Variants in PCSK5 observed in about 807,000 individuals in gnomAD.
The protein encoded by PCSK5 is prohormone convertase 5.
In PCSK5, 129 loss-of-function variants were observed where a neutral mutation model predicts 233.2. That is an observed-to-expected ratio of 0.55 (90% CI 0.48 to 0.64). The LOEUF is 0.64. PCSK5 is among the 30% of genes least tolerant of loss of function. PCSK5 has a pLI of 0.00. For missense variants in PCSK5, 2,076 were observed against 2,430.1 expected (o/e 0.85, Z 3.06); for synonymous variants, 825 against 879.2 (o/e 0.94, Z 1.09).
intron 18 of PCSK5, among the ~76,000 whole-genome samples, 162 bp from the exon 19 acceptor site, chr9:76,188,932 T>C (rs1279766247): frequency 1.3e-5 from 2 of 152,258 alleles, no homozygotes; most frequent in African/African-American, 4.8e-5. Context: ...AGAGGTTCCA[T>C]TTTAACTTTG....
At chr9:75,932,639 A>C (rs1823863252) in intron 2 of PCSK5, among the ~76,000 whole-genome samples, 156 bp downstream of exon 2, 1 of 152,130 alleles carries the variant, frequency 6.6e-6, no homozygotes, top group South Asian at 2.1e-4. Context: ...TCTTTAGACA[A>C]AACTAGGCAG....
At chr9:76,234,610 T>C (rs555682829) in intron 22 of PCSK5, among the ~76,000 whole-genome samples, 16 of 152,350 alleles carry the variant, frequency 1.1e-4, no homozygotes, top group African/African-American at 3.6e-4. Context: ...ACATGACAAA[T>C]ATCTGTCATA....
chr9:76,117,917 A>G (rs1832490066), intron 9 of PCSK5, among the ~76,000 whole-genome samples: 1 of 152,096 alleles, frequency 6.6e-6, no homozygotes, highest in South Asian at 2.1e-4. Context: ...TCATTTAGCT[A>G]TTGGAAACCT....
rs574763742 is a variant in PCSK5 at position 76,273,806 on chromosome 9, AT to A, written c.3143-18417del. On this transcript the variant is annotated intron_variant, in intron 24 of 37. Coordinates refer to ENST00000674117, the MANE Select transcript of PCSK5 (RefSeq NM_001372043.1). The stretch of plus-strand genomic sequence containing the variant: ...TGCTATCATACATAGCTAATTTTTA[AT>A]TTTTTTTTTCTTTTTTTTTTTGTAG... Among the ~76,000 whole-genome samples the A allele has an allele frequency of 1.6e-3, 222 of 142,724 alleles. 1 individual carries two copies. Among genetic ancestry groups the A allele is most frequent in the Middle Eastern group, 3.7e-3 (1 of 270 alleles). The allele number at this position is 142,724 out of a possible 152,430, so 93.6% of individuals were successfully genotyped here. A position where few individuals can be genotyped will look rare whatever the true frequency, so the allele number is the denominator to read the frequency against.
intron 14 of PCSK5, among the ~76,000 whole-genome samples, chr9:76,178,664 A>C (rs1823721463): frequency 1.3e-5 from 2 of 152,238 alleles, no homozygotes; most frequent in Admixed American, 1.3e-4. Flanking sequence ...TAGATTTTCT[A>C]CTACCCTTGA....
At chr9:76,324,076 C>T (rs1564180783) in intron 32 of PCSK5, among the ~76,000 whole-genome samples, 1 of 151,956 alleles carries the variant, frequency 6.6e-6, no homozygotes, top group Non-Finnish European at 1.5e-5. Context: ...CAGGCGTGTG[C>T]CACCACGCCT....
intron 24 of PCSK5, among the ~76,000 whole-genome samples, chr9:76,285,739 A>G (rs1222859720): frequency 4.6e-5 from 7 of 152,174 alleles, no homozygotes; most frequent in Non-Finnish European, 7.3e-5. Context: ...TTCTATGATA[A>G]AAGGCTATCC....
At chr9:76,189,579 C>A in intron 19 of PCSK5, 52 bp from the exon 20 acceptor site, 1 of 1,086,216 alleles carries the variant, frequency 9.2e-7, no homozygotes, top group Admixed American at 1.7e-5. Flanking sequence ...GTAAACACAC[C>A]TTCCCCTGTG....
At chr9:75,930,270 A>G (rs188397315) in intron 1 of PCSK5, among the ~76,000 whole-genome samples, 28 of 152,248 alleles carry the variant, frequency 1.8e-4, no homozygotes, top group Admixed American at 1.4e-3. Flanking sequence ...GAATTATGGG[A>G]GCTACAATTC....
At chr9:76,046,394 TC>T (rs1419366688) in intron 5 of PCSK5, among the ~76,000 whole-genome samples, 1 of 151,410 alleles carries the variant, frequency 6.6e-6, no homozygotes, top group Non-Finnish European at 1.5e-5. Flanking sequence ...GTCAGGTTTG[TC>T]TCGAACTCTT....
At position 76,310,830 on chromosome 9, in the gene PCSK5, G is replaced by A; in HGVS notation, c.3863G>A (p.Arg1288Lys). The part of the protein sequence containing the change: ...PGHPLFLHEG[R>K]CYSKCPEGSY... ...CACCCTCTCTTCCTCCATGAAGGCA[G>A]GTGCTACTCCAAGTGCCCGGAGTAA... Residue 1288 changes from arginine to lysine, a missense_variant, in exon 30 of 38, where the codon AGG (arginine) becomes AAG (lysine). Physicochemically the swap from Arg to Lys is conservative, Grantham distance 26. Coordinates refer to ENST00000674117, the MANE Select transcript of PCSK5 (RefSeq NM_001372043.1). The A allele has an allele frequency of 6.2e-7, 1 of 1,603,872 alleles. No homozygotes were observed. Among genetic ancestry groups the A allele is most frequent in the African/African-American group, 1.3e-5 (1 of 74,614 alleles).
chr9:76,310,547 A>G, intron 29 of PCSK5, 109 bp from the exon 30 acceptor site: 1 of 618,688 alleles, frequency 1.6e-6, no homozygotes, highest in Non-Finnish European at 2.5e-6. Flanking sequence ...GGTAAGCCTG[A>G]AATAAGTGCC....
At chr9:76,243,237 T>C (rs1826484100) in intron 24 of PCSK5, among the ~76,000 whole-genome samples, 1 of 152,238 alleles carries the variant, frequency 6.6e-6, no homozygotes, top group African/African-American at 2.4e-5. Flanking sequence ...GTCCATTCAT[T>C]ACTTAAGAAA....
intron 2 of PCSK5, among the ~76,000 whole-genome samples, chr9:75,982,656 T>G (rs192164969): frequency 1.5e-4 from 23 of 152,258 alleles, no homozygotes; most frequent in Admixed American, 9.8e-4. Flanking sequence ...TCTTACTAAT[T>G]GTTGAAACTG....
chr9:76,159,240 G>A (rs1297463114), intron 12 of PCSK5, 69 bp downstream of exon 12: 2 of 1,414,414 alleles, frequency 1.4e-6, no homozygotes, highest in Non-Finnish European at 9.8e-7. Context: ...TAGGTAGAAG[G>A]GAACAGCTGC....
intron 22 of PCSK5, among the ~76,000 whole-genome samples, chr9:76,234,763 T>G (rs940324307): frequency 1.3e-5 from 2 of 152,234 alleles, no homozygotes; most frequent in African/African-American, 4.8e-5. Context: ...GCTAGCCACA[T>G]GGTGAGCACT....
intron 24 of PCSK5, among the ~76,000 whole-genome samples, chr9:76,254,418 GA>G (rs1316250121): frequency 6.6e-6 from 1 of 151,558 alleles, no homozygotes; most frequent in Non-Finnish European, 1.5e-5. Flanking sequence ...TCTTACCTTG[GA>G]AATGTCTAAC....
chr9:76,324,787 T>G (rs1297620255), intron 32 of PCSK5, among the ~76,000 whole-genome samples: 1 of 152,060 alleles, frequency 6.6e-6, no homozygotes, highest in Non-Finnish European at 1.5e-5. Context: ...GGGCGGGGGC[T>G]TTTCTAGAGC....
intron 24 of PCSK5, among the ~76,000 whole-genome samples, chr9:76,284,464 C>T (rs985778799): frequency 9.9e-5 from 15 of 152,108 alleles, no homozygotes; most frequent in Admixed American, 7.2e-4. Context: ...CCTTCACCTT[C>T]CACCATGATT....
Sources: allele counts gnomAD v4.1 joint callset (sites outside exome capture counted in the v4.1 genomes callset), GRCh38; gene constraint gnomAD v4.1.1; transcripts MANE v1.5; gene names NCBI Gene and HGNC (gene_info 2026-07-23, HGNC 2026-07-21).